Variants in FGD5 observed in about 807,000 individuals in gnomAD.
The protein encoded by FGD5 is FYVE, RhoGEF and PH domain-containing protein 5.
In FGD5, 28 loss-of-function variants were observed where a neutral mutation model predicts 133.4. The ratio of observed to expected loss-of-function variants is 0.21; its 90% CI spans 0.16 to 0.29. The LOEUF is 0.29. FGD5 is among the 10% of genes least tolerant of loss of function. The pLI is 1.00. For missense variants in FGD5, 1,858 were observed against 1,895.2 expected (o/e 0.98, Z 0.36); for synonymous variants, 810 against 776.5 (o/e 1.04, Z -0.72).
rs1443814383 is a variant in FGD5 at position 14,820,115 on chromosome 3, G to A, written c.1044G>A (p.Glu348=). ...FVTSLTGSPY[E]FFPTESTSFC... is the part of the protein sequence containing the mutation. ...CTTCCCTCACAGGAAGCCCCTATGA[G>A]TTCTTCCCAACTGAGAGCACCTCTT... is the stretch of plus-strand genomic sequence containing the variant. The change falls in exon 1 of 20, where the codon GAG becomes GAA. Residue 348 remains glutamate, a synonymous_variant. Coordinates refer to ENST00000285046, the MANE Select transcript of FGD5 (RefSeq NM_152536.4). The A allele has an allele frequency of 6.2e-7, 1 of 1,613,932 alleles. No homozygotes were observed.
intron 2 of FGD5, among the ~76,000 whole-genome samples, chr3:14,872,252 C>G (rs2037625501): frequency 9.5e-6 from 1 of 105,532 alleles, no homozygotes; most frequent in African/African-American, 3.9e-5. Flanking sequence ...ATGTACTTCT[C>G]TGAATGTTGT....
At chr3:14,871,180 T>G (rs2037599928) in intron 2 of FGD5, among the ~76,000 whole-genome samples, 1 of 152,230 alleles carries the variant, frequency 6.6e-6, no homozygotes, top group South Asian at 2.1e-4. Flanking sequence ...TGCTGTAGTC[T>G]TGTTCTTCAT....
chr3:14,900,448 C>T lies in FGD5; in HGVS notation c.3200C>T (p.Thr1067Ile). ...CCGGACTCCGCCGAGTACGACAACACACAGGGTGAGTCCAGCGTGAATGCG... is the reference window on the plus strand; with the variant it reads ...CCGGACTCCGCCGAGTACGACAACATACAGGGTGAGTCCAGCGTGAATGCG... ...LCPDSAEYDN[T>I]QGALSLISKV... Residue 1067 changes from threonine to isoleucine, a missense_variant, in exon 8 of 20, where the codon ACA (threonine) becomes ATA (isoleucine). Coordinates refer to ENST00000285046, the MANE Select transcript of FGD5 (RefSeq NM_152536.4). 1 of 1,613,392 alleles carries T rather than the reference C, an allele frequency of 6.2e-7. No individual in the cohort carries two copies. Among genetic ancestry groups the T allele is most frequent in the African/African-American group, 1.3e-5 (1 of 75,016 alleles).
chr3:14,932,706 G>A lies in FGD5; in HGVS notation c.4327G>A (p.Ala1443Thr), dbSNP rs1428855804. Residue 1443 changes from alanine (A) to threonine (T), a missense_variant, in exon 19 of 20, where the codon GCA becomes ACA. Transcript: ENST00000285046. The part of the protein sequence containing the change: ...HKKTLFYSFK[A>T]EDTNSAQRWI... ...GAAAACCCTATTTTATAGCTTCAAA[G>A]CAGAAGATACCAATTCAGCTCAGAG... The A allele has an allele frequency of 6.2e-7, 1 of 1,613,768 alleles. No individual in the cohort carries two copies. The highest frequency in any genetic ancestry group is 1.7e-5 in the Admixed American group (1 of 59,990).
rs147312927 is a variant in FGD5, at chr3:14,926,034, C to T, written c.4069-36C>T. On this transcript the variant is annotated intron_variant, in intron 17 of 19. Coordinates refer to ENST00000285046, the MANE Select transcript of FGD5 (RefSeq NM_152536.4). ...CTCTGTTTGAACTGTGCCTGACCACCGGGGTGGGCTGACCGCTCTGCTTCC... is the reference window on the plus strand; with the variant it reads ...CTCTGTTTGAACTGTGCCTGACCACTGGGGTGGGCTGACCGCTCTGCTTCC... The T allele has an allele frequency of 2.8e-4, 450 of 1,610,612 alleles. 2 individuals are homozygous for T. The African/African-American group carries it at 5.2e-3, about 19-fold the overall frequency.
chr3:14,863,035 A>G (rs975960330), intron 1 of FGD5, among the ~76,000 whole-genome samples: 1 of 151,786 alleles, frequency 6.6e-6, no homozygotes, highest in Non-Finnish European at 1.5e-5. Flanking sequence ...GATGTCCCCC[A>G]CCCGCCTCAC....
At position 14,924,131 on chromosome 3, in the gene FGD5, T is replaced by C; in HGVS notation, c.4061T>C (p.Leu1354Pro). Residue 1354 changes from leucine to proline, a missense_variant, in exon 17 of 20, where the codon CTG becomes CCG. Physicochemically the swap from Leu to Pro is moderately conservative, Grantham distance 98 (BLOSUM62 -3). Around this residue, in one of 3 missense-constraint regions of FGD5, gnomAD observed 1,824 missense variants for 1,848.9 expected, o/e 0.99. Coordinates refer to ENST00000285046, the MANE Select transcript of FGD5 (RefSeq NM_152536.4). ...FKKQKKVPSALTEVAASGEGS... is the reference protein window; with the variant it reads ...FKKQKKVPSAPTEVAASGEGS... ...AAGCAGAAGAAAGTCCCTTCAGCCC[T>C]GACAGAGGTAAAGCAGGCAGGGCTA... 2 of 1,613,942 alleles carry C rather than the reference T, an allele frequency of 1.2e-6. No homozygotes were observed. The highest frequency in any genetic ancestry group is 1.7e-6 in the Non-Finnish European group (2 of 1,179,880).
rs374655739 is a variant in FGD5, at chr3:14,848,982, C to T, written c.2526-15146C>T. 3.0e-4 allele frequency among the ~76,000 whole-genome samples: 45 copies of T among 152,294 alleles called. No individual in the cohort carries two copies. In the East Asian group the frequency reaches 4.8e-3, roughly 16 times the overall value. On this transcript the variant is annotated intron_variant, in intron 1 of 19. Transcript: ENST00000285046. Reference sequence around the variant, plus strand: ...GATTTATAGGGTTTAGAGCCCTTGGCAAAGGGTGGCATCCTCTGAAAATGC... The same window carrying T: ...GATTTATAGGGTTTAGAGCCCTTGGTAAAGGGTGGCATCCTCTGAAAATGC...
intron 9 of FGD5, among the ~76,000 whole-genome samples, chr3:14,902,526 G>A (rs976130588): frequency 9.2e-5 from 14 of 152,128 alleles, no homozygotes; most frequent in Non-Finnish European, 1.9e-4. Flanking sequence ...GTGAAGGGTA[G>A]ACTGAGAGTG....
In FGD5 at chr3:14,917,770, C is replaced by A. The variant is rs1170095310; in HGVS notation, c.3489+438C>A. On this transcript the variant is annotated intron_variant, in intron 12 of 19. Coordinates refer to ENST00000285046, the MANE Select transcript of FGD5 (RefSeq NM_152536.4). The surrounding 1 kb of genome is among the most constrained non-coding windows in gnomAD (Gnocchi z 4.1). ...CTGTGTATCCAGCACCACCATCCAT[C>A]TCAGAACTCTTTCCTCTCCCCAGAC... 6.6e-6 allele frequency among the ~76,000 whole-genome samples: 1 copy of A among 152,218 alleles called. No homozygotes were observed. Among genetic ancestry groups the A allele is most frequent in the Non-Finnish European group, 1.5e-5 (1 of 68,030 alleles).
intron 9 of FGD5, among the ~76,000 whole-genome samples, chr3:14,903,016 C>T (rs1169750130): frequency 2.6e-5 from 4 of 152,188 alleles, no homozygotes; most frequent in African/African-American, 9.7e-5. Context: ...GGACCAGAGG[C>T]CCCTAGCCCA....
intron 17 of FGD5, among the ~76,000 whole-genome samples, chr3:14,925,045 T>C (rs2038770104): frequency 7.6e-6 from 1 of 132,236 alleles, no homozygotes; most frequent in Non-Finnish European, 1.5e-5. Flanking sequence ...AAGGTTGCAG[T>C]GAGCTGAGAT....
intron 9 of FGD5, 45 bp from the exon 10 acceptor site, chr3:14,907,595 G>T (rs293910): frequency 0.074 from 116,490 of 1,579,394 alleles, 9,078 homozygotes; most frequent in East Asian, 0.44. Context: ...AAGACGCCTG[G>T]TAGGGGCCCT....
chr3:14,911,770 G>A (rs1333533325), intron 11 of FGD5, among the ~76,000 whole-genome samples: 4 of 148,282 alleles, frequency 2.7e-5, no homozygotes, highest in African/African-American at 1.0e-4. Context: ...TTATGAGCGC[G>A]ATATGGAGGG....
chr3:14,916,531 A>C (rs1477079017), intron 11 of FGD5, among the ~76,000 whole-genome samples: 1 of 152,136 alleles, frequency 6.6e-6, no homozygotes, highest in Non-Finnish European at 1.5e-5. Flanking sequence ...GTGTCTCCCA[A>C]CCCTTCCTTA....
intron 19 of FGD5, 74 bp downstream of exon 19, chr3:14,932,805 G>A: frequency 4.5e-6 from 7 of 1,539,568 alleles, no homozygotes; most frequent in Non-Finnish European, 6.2e-6. Flanking sequence ...TGGGGCTTTG[G>A]CTTCTGTTCT....
rs952762488 is a variant in FGD5 at position 14,820,251 on chromosome 3, T to C, written c.1180T>C (p.Cys394Arg). The change falls in exon 1 of 20, where the codon TGT becomes CGT. Residue 394 changes from cysteine (C) to arginine (R), a missense_variant. This residue lies in a region of FGD5 where 1,824 missense variants were observed against 1,848.9 expected (regional missense o/e 0.99). Transcript: ENST00000285046. Reference protein sequence around the residue: ...AEENPMVGALCGQCGSLQGGA... With the variant: ...AEENPMVGALRGQCGSLQGGA... ...GGAGAACCCCATGGTGGGGGCTTTG[T>C]GTGGCCAGTGTGGCTCCCTACAGGG... 3.2e-5 allele frequency: 52 copies of C among 1,603,878 alleles called. No homozygotes were observed. The highest frequency in any genetic ancestry group is 4.3e-5 in the Non-Finnish European group (51 of 1,174,370).
At chr3:14,892,484 C>G (rs2038048408) in intron 4 of FGD5, among the ~76,000 whole-genome samples, 1 of 152,152 alleles carries the variant, frequency 6.6e-6, no homozygotes, top group African/African-American at 2.4e-5. Context: ...CAGATGTGAA[C>G]CACTGCATCT....
In FGD5 at chr3:14,819,998, C is replaced by T. The variant is rs751925722; in HGVS notation, c.927C>T (p.Ala309=). The part of the protein sequence containing the change: ...HEKKTNQEVA[A]ATLEDHAQDE... Reference sequence around the variant, plus strand: ...AGAAAACCAACCAAGAAGTGGCAGCCGCCACCCTGGAGGACCATGCACAGG... The same window carrying T: ...AGAAAACCAACCAAGAAGTGGCAGCTGCCACCCTGGAGGACCATGCACAGG... The change falls in exon 1 of 20, where the codon GCC becomes GCT. Residue 309 remains alanine (A), a synonymous_variant. Transcript: ENST00000285046. The surrounding 1 kb of genome is among the most constrained non-coding windows in gnomAD (Gnocchi z 4.1). 10 of 1,613,720 alleles carry T rather than the reference C, an allele frequency of 6.2e-6. No homozygotes were observed. Among genetic ancestry groups the T allele is most frequent in the African/African-American group, 5.3e-5 (4 of 74,862 alleles).
Sources: gnomAD v4.1 joint callset for allele counts (sites outside exome capture counted in the v4.1 genomes callset) on GRCh38, gnomAD v4.1.1 for gene constraint, gnomAD v4.1.1 regional missense constraint, Gnocchi (gnomAD v3.1) non-coding constraint, MANE v1.5 for transcripts, NCBI Gene and HGNC (gene_info 2026-07-23, HGNC 2026-07-21) for gene names.